The following RABGEF1 variants were observed in gnomAD, a reference collection of about 807,000 sequenced individuals.
The protein encoded by RABGEF1 is rab5 GDP/GTP exchange factor.
In RABGEF1, 26 loss-of-function variants were observed where a neutral mutation model predicts 57.3. That is an observed-to-expected ratio of 0.45 (90% CI 0.33 to 0.63). The LOEUF is 0.63. Ranked by LOEUF, RABGEF1 falls within the 20% of genes least tolerant of loss-of-function variation. The probability of loss-of-function intolerance (pLI) is 0.02; values close to 1 mark genes in which losing one functional copy is unlikely to be tolerated. For missense variants in RABGEF1, 464 were observed against 607.6 expected, an observed-to-expected ratio of 0.76 and a Z score of 2.48; for synonymous variants, 185 against 210.7, an observed-to-expected ratio of 0.88 and a Z score of 1.06.
At chr7:66,784,407 T>C (rs1042766977) in intron 4 of RABGEF1, among the ~76,000 whole-genome samples, 5 of 152,232 alleles carry the variant, frequency 3.3e-5, no homozygotes, top group African/African-American at 1.2e-4. Flanking sequence ...ATTTTGCCAA[T>C]GTCAACCAGA....
intron 3 of RABGEF1, among the ~76,000 whole-genome samples, chr7:66,779,532 T>A (rs1458100165): frequency 6.6e-6 from 1 of 151,504 alleles, no homozygotes; most frequent in Non-Finnish European, 1.5e-5. Flanking sequence ...ATTAAAAAAT[T>A]AGCTGGGCTA....
intron 1 of RABGEF1, among the ~76,000 whole-genome samples, chr7:66,758,009 A>G (rs944339533): frequency 1.3e-5 from 2 of 152,176 alleles, no homozygotes; most frequent in Non-Finnish European, 2.9e-5. Flanking sequence ...AAGGGAAAAA[A>G]ATCACCCGTA....
At chr7:66,753,320 AAC>A (rs1301672437) in intron 1 of RABGEF1, among the ~76,000 whole-genome samples, 2 of 152,316 alleles carry the variant, frequency 1.3e-5, no homozygotes, top group South Asian at 4.1e-4. Flanking sequence ...ATTTGTAAAG[AAC>A]AGGTGTTGCT....
chr7:66,697,691 G>C (rs1269978666), intron 1 of RABGEF1, among the ~76,000 whole-genome samples: 1 of 152,102 alleles, frequency 6.6e-6, no homozygotes, highest in Non-Finnish European at 1.5e-5. Context: ...GCTGGGGGAG[G>C]CGCAGACTGT....
intron 1 of RABGEF1, among the ~76,000 whole-genome samples, chr7:66,696,196 G>T (rs1562705296): frequency 6.6e-6 from 1 of 152,100 alleles, no homozygotes; most frequent in Non-Finnish European, 1.5e-5. Context: ...CCCCCAAGTA[G>T]CTGGGATTAC....
At chr7:66,771,343 G>A (rs1807077768) in intron 1 of RABGEF1, among the ~76,000 whole-genome samples, 1 of 152,108 alleles carries the variant, frequency 6.6e-6, no homozygotes, top group Admixed American at 6.5e-5. Context: ...GTTTCACCGT[G>A]TTAGCCAGGA....
chr7:66,747,540 C>T (rs561346870), intron 1 of RABGEF1, among the ~76,000 whole-genome samples: 4 of 152,206 alleles, frequency 2.6e-5, no homozygotes, highest in South Asian at 4.1e-4. Context: ...AATTAAAAAT[C>T]GCTTTTGGGG....
At chr7:66,662,828 CAT>C in the RABGEF1 span, among the ~76,000 whole-genome samples, 34 of 151,358 alleles carry the variant, frequency 2.2e-4, no homozygotes, top group Non-Finnish European at 2.9e-4. Context: ...CGTGTGCAGG[CAT>C]GTGTGTGTAG....
At chr7:66,707,457 C>G (rs2096436664) in intron 1 of RABGEF1, among the ~76,000 whole-genome samples, 1 of 152,028 alleles carries the variant, frequency 6.6e-6, no homozygotes, top group South Asian at 2.1e-4. Context: ...CTTTGAGAGG[C>G]CAAGGCAGGC....
At chr7:66,707,481 A>G (rs1794265059) in intron 1 of RABGEF1, among the ~76,000 whole-genome samples, 1 of 152,072 alleles carries the variant, frequency 6.6e-6, no homozygotes, top group African/African-American at 2.4e-5. Flanking sequence ...TCACCTCAGG[A>G]GTTCGAGACC....
chr7:66,754,097 G>C (rs982854029), intron 1 of RABGEF1, among the ~76,000 whole-genome samples: 2 of 149,908 alleles, frequency 1.3e-5, no homozygotes, highest in Non-Finnish European at 3.0e-5. Context: ...CTGCTTCCTG[G>C]GTTCAAGCGA....
At chr7:66,784,051 T>C (rs1454784820) in intron 4 of RABGEF1, among the ~76,000 whole-genome samples, 1 of 152,206 alleles carries the variant, frequency 6.6e-6, no homozygotes, top group Non-Finnish European at 1.5e-5. Context: ...GTTTGGATCA[T>C]CTTTGTGTGG....
At chr7:66,708,321 C>G (rs1396549157) in intron 1 of RABGEF1, among the ~76,000 whole-genome samples, 1 of 151,676 alleles carries the variant, frequency 6.6e-6, no homozygotes, top group East Asian at 1.9e-4. Flanking sequence ...GGTCTCACTC[C>G]AATTTGCCCA....
At chr7:66,715,068 C>T (rs964838004) in intron 2 of RABGEF1, among the ~76,000 whole-genome samples, 2 of 150,928 alleles carry the variant, frequency 1.3e-5, no homozygotes, top group Non-Finnish European at 3.0e-5. Context: ...TCTCTTTTTC[C>T]TTCTCTTTCT....
In RABGEF1 at chr7:66,806,541, ACT is replaced by A. The variant is rs1179574744; in HGVS notation, c.1077+1146_1077+1147del. Among the ~76,000 whole-genome samples, 6 of 151,428 alleles carry A rather than the reference ACT, an allele frequency of 4.0e-5. No individual in the cohort carries two copies. The South Asian group carries it at 1.3e-3, about 32-fold the overall frequency. On this transcript the variant is annotated intron_variant, in intron 8 of 8. Coordinates refer to ENST00000284957, the MANE Select transcript of RABGEF1 (RefSeq NM_014504.3). ...GAATGATGCTTTTACCTTTATTCAC[ACT>A]GTTTTCCATCCTCCCAGGCACATGG...
intron 2 of RABGEF1, among the ~76,000 whole-genome samples, chr7:66,733,593 G>C (rs570265406): frequency 1.1e-3 from 171 of 152,312 alleles, no homozygotes; most frequent in African/African-American, 3.6e-3. Flanking sequence ...AGCTACTCGG[G>C]AGGCTGAGGC....
chr7:66,791,158 C>T (rs994265211), intron 4 of RABGEF1, among the ~76,000 whole-genome samples: 6 of 152,142 alleles, frequency 3.9e-5, no homozygotes, highest in Admixed American at 6.5e-5. Flanking sequence ...CTAAAAATGA[C>T]GGATTTCTGG....
intron 2 of RABGEF1, among the ~76,000 whole-genome samples, chr7:66,727,138 A>G (rs1796673582): frequency 6.6e-6 from 1 of 152,236 alleles, no homozygotes; most frequent in Non-Finnish European, 1.5e-5. Context: ...CAATAAAGCT[A>G]TTCTTTTAAT....
rs1241867850 is a variant in RABGEF1, at chr7:66,771,888, AG to A, written c.-11del. 3.6e-5 allele frequency: 53 copies of A among 1,485,466 alleles called. No homozygotes were observed. The East Asian group carries it at 1.3e-3, about 37-fold the overall frequency. The allele number at this position is 1,485,466 out of a possible 1,614,324, so 92.0% of individuals were successfully genotyped here. A position where few individuals can be genotyped will look rare whatever the true frequency, so the allele number is the denominator to read the frequency against. ...GCACTTTCTTGTTTGTTCAGTGGTT[AG>A]CAGGAAGAAGATGAGCCTTAAGTCT... is the stretch of plus-strand genomic sequence containing the variant. On this transcript the variant is annotated 5_prime_UTR_variant, in exon 2 of 9. Coordinates refer to ENST00000284957, the MANE Select transcript of RABGEF1 (RefSeq NM_014504.3).
Sources: allele counts gnomAD v4.1 joint callset (sites outside exome capture counted in the v4.1 genomes callset), GRCh38; gene constraint gnomAD v4.1.1; transcripts MANE v1.5; gene names NCBI Gene and HGNC (gene_info 2026-07-23, HGNC 2026-07-21).